The following UACA variants were observed in gnomAD, a reference collection of about 807,000 sequenced individuals.
UACA encodes nuclear membrane binding protein.
In UACA, 112 loss-of-function variants were observed where a neutral mutation model predicts 160.5. The observed-to-expected ratio is 0.70, with a 90% CI of 0.60 to 0.82. The LOEUF is 0.82. Ranked by LOEUF, UACA falls within the 40% of genes least tolerant of loss-of-function variation. The pLI is 0.00. For missense variants in UACA, 1,574 were observed against 1,614.6 expected (o/e 0.97, Z 0.43); for synonymous variants, 557 against 568.4 (o/e 0.98, Z 0.29).
At position 70,657,108 on chromosome 15, in the gene UACA, A is replaced by C. The variant is rs1896499127; in HGVS notation, c.4199T>G (p.Val1400Gly). The C allele has an allele frequency of 6.2e-7, 1 of 1,614,124 alleles. No individual in the cohort carries two copies. Among genetic ancestry groups the C allele is most frequent in the Non-Finnish European group, 8.5e-7 (1 of 1,179,978 alleles). The change falls in exon 19 of 19, where the codon GTT becomes GGT. Residue 1400 changes from valine (V) to glycine (G), a missense_variant. Transcript: ENST00000322954. Reference protein sequence around the residue: ...SAAQGHMDEDVQEALLQIIQM... With the variant: ...SAAQGHMDEDGQEALLQIIQM... ...TATGATCTGGAGCAGAGCCTCCTGA[A>C]CATCTTCATCCATGTGACCCTTCGG... is the stretch of plus-strand genomic sequence containing the variant.
the UACA span, among the ~76,000 whole-genome samples, chr15:70,772,354 G>A: frequency 7.2e-5 from 11 of 152,028 alleles, no homozygotes; most frequent in South Asian, 2.1e-4. Flanking sequence ...TTAGCCAGGC[G>A]TGGTGGTGGG....
Position 70,699,623 on chromosome 15 carries a change from A to C in UACA, c.116T>G (p.Met39Arg), listed in dbSNP as rs200107284. ...TACATCCCCCCTTTCTGCTGCTTTC[A>C]TCAATCGGTCATCATATTTATTCCA... ...ADWNKYDDRL[M>R]KAAERGDVEK... Residue 39 changes from methionine to arginine, a missense_variant, in exon 2 of 19, where the codon ATG becomes AGG. Met to Arg is a moderately conservative substitution (Grantham distance 91). Transcript: ENST00000322954. 5 of 1,611,456 alleles carry C rather than the reference A, an allele frequency of 3.1e-6. No individual in the cohort carries two copies. Among genetic ancestry groups the C allele is most frequent in the Non-Finnish European group, 4.2e-6 (5 of 1,179,350 alleles).
intron 15 of UACA, 106 bp downstream of exon 15, chr15:70,670,933 C>CT: frequency 1.9e-6 from 1 of 520,976 alleles, no homozygotes; most frequent in African/African-American, 2.0e-5. Context: ...AAACCTCACT[C>CT]TATGTATATA....
intron 1 of UACA, among the ~76,000 whole-genome samples, chr15:70,712,638 G>A (rs1466037150): frequency 6.6e-6 from 1 of 152,060 alleles, no homozygotes; most frequent in Non-Finnish European, 1.5e-5. Context: ...TATATCATAC[G>A]GAAAGTTAAC....
chr15:70,763,665 T>A, upstream of UACA: 1 of 510,734 alleles, frequency 2.0e-6, no homozygotes, highest in Non-Finnish European at 3.0e-6. Context: ...GGACTTCCCT[T>A]TTAAACTGAG....
chr15:70,657,538 C>T (rs139151243), intron 18 of UACA, among the ~76,000 whole-genome samples: 3 of 152,126 alleles, frequency 2.0e-5, no homozygotes, highest in East Asian at 3.9e-4. Context: ...GAGGTTGCAG[C>T]GAACCAAGAT....
Position 70,655,395 on chromosome 15 carries a change from T to C in UACA, c.*1661A>G, listed in dbSNP as rs1375998333. On this transcript the variant is annotated 3_prime_UTR_variant, in exon 19 of 19. Coordinates refer to ENST00000322954, the MANE Select transcript of UACA (RefSeq NM_018003.4). ...GGCACCTGCCACCATGCAGGGCTAA[T>C]TTTTGTATTTTTAGTAGAGATGGGG... is the stretch of plus-strand genomic sequence containing the variant. 2.6e-5 allele frequency: 4 copies of C among 152,148 alleles called. No individual in the cohort carries two copies. Among genetic ancestry groups the C allele is most frequent in the Non-Finnish European group, 5.9e-5 (4 of 68,064 alleles). 9.4% of individuals were successfully genotyped at this position (152,148 alleles called of 1,614,324 possible).
At chr15:70,756,809 G>C (rs1656310400) in intron 1 of UACA, among the ~76,000 whole-genome samples, 2 of 152,180 alleles carry the variant, frequency 1.3e-5, no homozygotes, top group African/African-American at 4.8e-5. Flanking sequence ...GGAGGCGGAG[G>C]TTGCAGTGAG....
chr15:70,759,095 G>A (rs1006472252), intron 1 of UACA, among the ~76,000 whole-genome samples: 13 of 152,106 alleles, frequency 8.5e-5, no homozygotes, highest in African/African-American at 2.7e-4. Context: ...GGCGGGTCTC[G>A]AACTCCTGGG....
the UACA span, among the ~76,000 whole-genome samples, chr15:70,777,745 T>C: frequency 6.6e-6 from 1 of 152,134 alleles, no homozygotes; most frequent in African/African-American, 2.4e-5. Context: ...AAGTGACTCA[T>C]TGGCTTTAAG....
Position 70,666,942 on chromosome 15 carries a change from C to T in UACA, c.3742G>A (p.Ala1248Thr). 1.2e-6 allele frequency: 2 copies of T among 1,612,088 alleles called. No homozygotes were observed. The highest frequency in any genetic ancestry group is 1.7e-6 in the Non-Finnish European group (2 of 1,179,642). The part of the protein sequence containing the change: ...TQISSLNEKL[A>T]NLNRKYEEVC... Reference sequence around the variant, plus strand: ...TCCTCATACTTTCTATTCAGATTGGCCAATTTTTCATTTAAGCTAGAAATC... The same window carrying T: ...TCCTCATACTTTCTATTCAGATTGGTCAATTTTTCATTTAAGCTAGAAATC... Residue 1248 changes from alanine to threonine, a missense_variant, in exon 16 of 19, where the codon GCC (alanine) becomes ACC (threonine). Ala to Thr is a moderately conservative substitution (Grantham distance 58). Coordinates refer to ENST00000322954, the MANE Select transcript of UACA (RefSeq NM_018003.4).
chr15:70,768,480 A>T (rs912077375), upstream of UACA: 7 of 152,218 alleles, frequency 4.6e-5, no homozygotes, highest in Admixed American at 4.6e-4. Context: ...TTTTCTTTGG[A>T]TTCAGGTTTA....
intron 13 of UACA, among the ~76,000 whole-genome samples, chr15:70,672,921 C>T (rs1295707957): frequency 6.6e-6 from 1 of 152,016 alleles, no homozygotes; most frequent in Admixed American, 6.6e-5. Context: ...ATAGTGAAAC[C>T]CCGTCTCTAC....
chr15:70,736,729 G>A lies in UACA; in HGVS notation c.78+26601C>T, dbSNP rs1009162490. Among the ~76,000 whole-genome samples, 9 of 152,098 alleles carry A rather than the reference G, an allele frequency of 5.9e-5. No homozygotes were observed. The East Asian group carries it at 1.3e-3, about 23-fold the overall frequency. The stretch of plus-strand genomic sequence containing the variant: ...GTGCTGGGTACAGGCGTGAGCCACC[G>A]CACCCAGCCTCAACCTGGTTTTAAA... On this transcript the variant is annotated intron_variant, in intron 1 of 18. Coordinates refer to ENST00000322954, the MANE Select transcript of UACA (RefSeq NM_018003.4).
At chr15:70,682,656 GCA>G in intron 9 of UACA, 100 bp downstream of exon 9, 1 of 581,202 alleles carries the variant, frequency 1.7e-6, no homozygotes, top group African/African-American at 2.0e-5. Context: ...GAGATAGAAC[GCA>G]TTTAAACTCA....
At chr15:70,722,204 A>G (rs979469823) in intron 1 of UACA, among the ~76,000 whole-genome samples, 6 of 152,244 alleles carry the variant, frequency 3.9e-5, no homozygotes, top group African/African-American at 1.4e-4. Flanking sequence ...TTTACTATAA[A>G]TGTCATTTTT....
intron 1 of UACA, among the ~76,000 whole-genome samples, chr15:70,723,672 G>T: frequency 7.1e-6 from 1 of 141,756 alleles, no homozygotes. Flanking sequence ...TCGCTCTGTC[G>T]CCCAGGCTGG....
intron 13 of UACA, among the ~76,000 whole-genome samples, chr15:70,674,715 A>G (rs996195161): frequency 2.6e-5 from 4 of 152,080 alleles, no homozygotes; most frequent in Non-Finnish European, 4.4e-5. Flanking sequence ...CTCCTGCTTC[A>G]GCCTCCTGAG....
intron 1 of UACA, among the ~76,000 whole-genome samples, chr15:70,745,250 T>C (rs1162418882): frequency 6.6e-6 from 1 of 151,536 alleles, no homozygotes; most frequent in Non-Finnish European, 1.5e-5. Flanking sequence ...GCTAACATGG[T>C]GAAACCCCTT....
Sources: gnomAD v4.1 joint callset for allele counts (sites outside exome capture counted in the v4.1 genomes callset) on GRCh38, gnomAD v4.1.1 for gene constraint, MANE v1.5 for transcripts, NCBI Gene and HGNC (gene_info 2026-07-23, HGNC 2026-07-21) for gene names.